YAP1: variants seen among roughly 807,000 people sequenced by gnomAD.
The protein encoded by YAP1 is transcriptional coactivator YAP1.
Under a neutral mutation model 56.9 loss-of-function variants are expected in YAP1, and 5 were observed. That is an observed-to-expected ratio of 0.09 (90% CI 0.05 to 0.18). YAP1 has a LOEUF of 0.18. Among genes scored for constraint, YAP1 ranks in the 10% least tolerant of loss-of-function variants. YAP1 has a pLI of 1.00. For synonymous variants in YAP1, 265 were observed against 248.1 expected (o/e 1.07, Z -0.64); for missense variants, 539 against 651.8 (o/e 0.83, Z 1.88).
intron 2 of YAP1, among the ~76,000 whole-genome samples, chr11:102,145,878 G>T (rs1287589837): frequency 6.6e-6 from 1 of 152,172 alleles, no homozygotes; most frequent in Non-Finnish European, 1.5e-5. Flanking sequence ...AGTATTTGCA[G>T]TGTTTTGATT....
Position 102,205,958 on chromosome 11 carries a change from C to T in YAP1, c.868C>T (p.Pro290Ser), listed in dbSNP as rs1173777571. 1.2e-6 allele frequency: 2 copies of T among 1,613,284 alleles called. No individual in the cohort carries two copies. Among genetic ancestry groups the T allele is most frequent in the African/African-American group, 2.7e-5 (2 of 75,000 alleles). Reference protein sequence around the residue: ...KQPPPLAPQSPQGGVMGGSNS... With the variant: ...KQPPPLAPQSSQGGVMGGSNS... ...GCCACCACCCCTGGCTCCCCAGAGC[C>T]CACAGGGAGGCGTCATGGGTGGCAG... Residue 290 changes from proline (P) to serine (S), a missense_variant, in exon 5 of 9, where the codon CCA (proline) becomes TCA (serine). Around this residue, in one of 4 missense-constraint regions of YAP1, gnomAD observed 414 missense variants for 512.4 expected, o/e 0.81. Transcript: ENST00000282441.
At chr11:102,227,415 T>C (rs961380630) in intron 7 of YAP1, 54 bp from the exon 8 acceptor site, 21 of 1,262,918 alleles carry the variant, frequency 1.7e-5, no homozygotes, top group Non-Finnish European at 2.3e-5. Flanking sequence ...ATTTTTACCT[T>C]GAATTGATTT....
At chr11:102,189,703 T>C (rs1948174059) in intron 4 of YAP1, among the ~76,000 whole-genome samples, 1 of 152,244 alleles carries the variant, frequency 6.6e-6, no homozygotes, top group Non-Finnish European at 1.5e-5. Flanking sequence ...TTCCCAAAAC[T>C]TGCTTTCTGT....
At chr11:102,193,756 G>A (rs1395389489) in intron 4 of YAP1, among the ~76,000 whole-genome samples, 1 of 152,008 alleles carries the variant, frequency 6.6e-6, no homozygotes, top group African/African-American at 2.4e-5. Flanking sequence ...TTAAACTAAT[G>A]CCTTATTCGT....
intron 4 of YAP1, among the ~76,000 whole-genome samples, chr11:102,198,439 A>G (rs1035357151): frequency 1.3e-5 from 2 of 152,198 alleles, no homozygotes; most frequent in African/African-American, 4.8e-5. Flanking sequence ...ATGTTATTTC[A>G]TAAATAACTT....
chr11:102,190,945 G>T (rs1377698793), intron 4 of YAP1, among the ~76,000 whole-genome samples: 3 of 151,622 alleles, frequency 2.0e-5, no homozygotes, highest in African/African-American at 7.3e-5. Flanking sequence ...CAAAAGCCGA[G>T]GCTGATGGAT....
chr11:102,184,963 G>T (rs1447548915), intron 3 of YAP1, among the ~76,000 whole-genome samples: 1 of 152,182 alleles, frequency 6.6e-6, no homozygotes, highest in Non-Finnish European at 1.5e-5. Flanking sequence ...TAGTACTACT[G>T]CTTATGTCAT....
At chr11:102,178,662 G>A (rs893837299) in intron 3 of YAP1, among the ~76,000 whole-genome samples, 3 of 152,158 alleles carry the variant, frequency 2.0e-5, no homozygotes, top group Admixed American at 6.5e-5. Flanking sequence ...TCAAGTTTAA[G>A]TAGTTCTAAT....
intron 2 of YAP1, 41 bp from the exon 3 acceptor site, chr11:102,162,415 C>G (rs201164498): frequency 6.4e-7 from 1 of 1,562,352 alleles, no homozygotes; most frequent in African/African-American, 1.4e-5. Context: ...TTTTTGGAAC[C>G]TGGTATTTGT....
At chr11:102,208,383 T>C (rs1949227745) in intron 5 of YAP1, among the ~76,000 whole-genome samples, 1 of 152,252 alleles carries the variant, frequency 6.6e-6, no homozygotes, top group East Asian at 1.9e-4. Flanking sequence ...CATTTTCTCC[T>C]GTTAATTTGT....
intron 4 of YAP1, among the ~76,000 whole-genome samples, chr11:102,197,819 A>G (rs1948646482): frequency 6.6e-6 from 1 of 152,120 alleles, no homozygotes; most frequent in Admixed American, 6.5e-5. Context: ...TGGTAATGCT[A>G]TTCTTTTCTT....
At chr11:102,223,877 T>G (rs929315149) in intron 7 of YAP1, 125 bp downstream of exon 7, 19 of 1,273,372 alleles carry the variant, frequency 1.5e-5, no homozygotes, top group Admixed American at 4.7e-5. Context: ...TGTAAATGAA[T>G]CTCTCTGTAA....
At chr11:102,127,894 G>GT (rs1463197420) in intron 2 of YAP1, among the ~76,000 whole-genome samples, 6 of 152,326 alleles carry the variant, frequency 3.9e-5, no homozygotes, top group Admixed American at 3.3e-4. Context: ...TCATTTTGGA[G>GT]CTTTAAAATG....
rs760988082 is a variant in YAP1, at chr11:102,186,146, C to G, written c.802+15C>G. On this transcript the variant is annotated intron_variant, in intron 4 of 8. Coordinates refer to ENST00000282441, the MANE Select transcript of YAP1 (RefSeq NM_001130145.3). ...CCCTCGTTTTGGTAAAGGTTCATCT[C>G]AAAACCTTTTTAGATGCTTTTGGTT... The G allele has an allele frequency of 3.7e-6, 6 of 1,607,716 alleles. No homozygotes were observed. The highest frequency in any genetic ancestry group is 4.2e-6 in the Non-Finnish European group (5 of 1,177,896).
At chr11:102,191,319 A>G (rs1402102260) in intron 4 of YAP1, among the ~76,000 whole-genome samples, 3 of 152,078 alleles carry the variant, frequency 2.0e-5, no homozygotes, top group East Asian at 1.9e-4. Flanking sequence ...TAAGTGCCAT[A>G]GCACCACACA....
intron 3 of YAP1, among the ~76,000 whole-genome samples, chr11:102,177,857 A>T (rs1314607849): frequency 6.6e-6 from 1 of 152,148 alleles, no homozygotes; most frequent in African/African-American, 2.4e-5. Flanking sequence ...CATTTATGTG[A>T]ATATGGCAAG....
chr11:102,179,517 A>G (rs924037120), intron 3 of YAP1, among the ~76,000 whole-genome samples: 12 of 152,086 alleles, frequency 7.9e-5, no homozygotes, highest in African/African-American at 2.9e-4. Context: ...TGCCCCATCC[A>G]CAGGTAGCAG....
intron 8 of YAP1, 36 bp from the exon 9 acceptor site, chr11:102,229,666 A>G (rs1304526799): frequency 6.3e-7 from 1 of 1,596,850 alleles, no homozygotes; most frequent in Non-Finnish European, 8.6e-7. Context: ...TTAGCTTTTC[A>G]AAAAGGACTT....
At chr11:102,200,633 T>G (rs1252114389) in intron 4 of YAP1, among the ~76,000 whole-genome samples, 1 of 151,940 alleles carries the variant, frequency 6.6e-6, no homozygotes, top group African/African-American at 2.4e-5. Flanking sequence ...TTAGTAGAGA[T>G]AGGGTTTCAC....
Sources: allele counts gnomAD v4.1 joint callset (sites outside exome capture counted in the v4.1 genomes callset), GRCh38; gene constraint gnomAD v4.1.1; regional missense constraint gnomAD v4.1.1; transcripts MANE v1.5; gene names NCBI Gene and HGNC (gene_info 2026-07-23, HGNC 2026-07-21).